Variants in DEPDC5 observed in about 807,000 individuals in gnomAD.
The protein encoded by DEPDC5 is DEP domain containing 5, GATOR1 subcomplex subunit.
Under a neutral mutation model 217.3 loss-of-function variants are expected in DEPDC5, and 73 were observed. The observed-to-expected ratio is 0.34, with a 90% CI of 0.28 to 0.41. The LOEUF is 0.41. Among genes scored for constraint, DEPDC5 ranks in the 10% least tolerant of loss-of-function variants. The pLI is 1.00. For missense variants in DEPDC5, 1,675 were observed against 2,070.1 expected, an observed-to-expected ratio of 0.81 and a Z score of 3.70; for synonymous variants, 733 against 756.7, an observed-to-expected ratio of 0.97 and a Z score of 0.51.
In DEPDC5 at chr22:31,809,637, C is replaced by T; in HGVS notation, c.1314C>T (p.Gly438=). The change falls in exon 19 of 43, where the codon GGC becomes GGT. Residue 438 remains glycine, a synonymous_variant. Transcript: ENST00000651528. ...KKPASEKAKN[G]RDTSLGSPKE... ...CCGCCTCTGAGAAAGCAAAAAATGGCCGTGATACATGTGAGTATTTTTTGA... is the reference window on the plus strand; with the variant it reads ...CCGCCTCTGAGAAAGCAAAAAATGGTCGTGATACATGTGAGTATTTTTTGA... The T allele has an allele frequency of 1.2e-6, 2 of 1,613,928 alleles. No individual in the cohort carries two copies. The highest frequency in any genetic ancestry group is 2.2e-5 in the South Asian group (2 of 91,074).
chr22:31,774,429 C>T (rs1342728754), intron 7 of DEPDC5, among the ~76,000 whole-genome samples: 1 of 151,868 alleles, frequency 6.6e-6, no homozygotes, highest in Non-Finnish European at 1.5e-5. Context: ...GAACTCCCGA[C>T]CTCAGGTAAT....
At chr22:31,878,183 C>T (rs955123883) in intron 37 of DEPDC5, among the ~76,000 whole-genome samples, 49 of 148,812 alleles carry the variant, frequency 3.3e-4, no homozygotes, top group South Asian at 8.5e-4. Context: ...GAGACTCCAT[C>T]TCAAAAAAAA....
intron 41 of DEPDC5, among the ~76,000 whole-genome samples, chr22:31,903,800 C>T (rs1299315491): frequency 6.6e-6 from 1 of 150,580 alleles, no homozygotes; most frequent in Non-Finnish European, 1.5e-5. Context: ...CAAATGTTTC[C>T]TCTCTGAATT....
chr22:31,843,907 T>A, intron 29 of DEPDC5, 95 bp downstream of exon 29: 21 of 1,236,236 alleles, frequency 1.7e-5, no homozygotes, highest in Non-Finnish European at 2.2e-5. Context: ...TCTCTCTCCC[T>A]TTTTCTTTTT....
chr22:31,791,036 C>T (rs1055667018), intron 10 of DEPDC5, among the ~76,000 whole-genome samples: 2 of 152,008 alleles, frequency 1.3e-5, no homozygotes, highest in African/African-American at 2.4e-5. Flanking sequence ...TTTGAGCCAC[C>T]ACGCCCAGCC....
At chr22:31,820,001 G>T (rs550766716) in intron 22 of DEPDC5, among the ~76,000 whole-genome samples, 2 of 152,028 alleles carry the variant, frequency 1.3e-5, no homozygotes, top group African/African-American at 4.8e-5. Flanking sequence ...TCTATATTCT[G>T]TTCTCAAGAA....
intron 5 of DEPDC5, 118 bp from the exon 6 acceptor site, chr22:31,766,467 G>A: frequency 1.1e-6 from 1 of 897,104 alleles, no homozygotes; most frequent in Non-Finnish European, 1.8e-6. Flanking sequence ...CTACTGAATG[G>A]TCTTCCAGTA....
intron 11 of DEPDC5, among the ~76,000 whole-genome samples, 163 bp downstream of exon 11, chr22:31,792,265 G>A (rs1286334809): frequency 6.6e-6 from 1 of 152,048 alleles, no homozygotes; most frequent in East Asian, 1.9e-4. Flanking sequence ...TCCGTTAGTG[G>A]ATGCAAGAGG....
intron 15 of DEPDC5, 29 bp from the exon 16 acceptor site, chr22:31,804,133 A>C: frequency 6.2e-7 from 1 of 1,612,284 alleles, no homozygotes; most frequent in Non-Finnish European, 8.5e-7. Flanking sequence ...TTCCCTCCCC[A>C]CAATTCTTTT....
intron 24 of DEPDC5, among the ~76,000 whole-genome samples, chr22:31,828,452 CAAAAAAA>C (rs35489633): frequency 2.7e-5 from 2 of 73,202 alleles, no homozygotes; most frequent in African/African-American, 5.6e-5. Flanking sequence ...AACTCCGTCT[CAAAAAAA>C]AAAAAAAAAA....
intron 34 of DEPDC5, among the ~76,000 whole-genome samples, chr22:31,872,681 C>G (rs916122132): frequency 6.6e-6 from 1 of 152,166 alleles, no homozygotes; most frequent in African/African-American, 2.4e-5. Context: ...AGGAGAGATG[C>G]TTACTAAGGG....
intron 10 of DEPDC5, 143 bp downstream of exon 10, chr22:31,785,018 C>A (rs2084838977): frequency 3.1e-6 from 2 of 645,912 alleles, no homozygotes; most frequent in Non-Finnish European, 5.2e-6. Context: ...CCCTAATAAT[C>A]TCAATTTATG....
chr22:31,797,560 C>T (rs771660736), intron 12 of DEPDC5, 40 bp from the exon 13 acceptor site: 6 of 1,539,568 alleles, frequency 3.9e-6, no homozygotes, highest in African/African-American at 1.4e-5. Context: ...CAAACCATAT[C>T]AGCTGCTCAA....
At chr22:31,888,126 C>G (rs2093356842) in intron 38 of DEPDC5, among the ~76,000 whole-genome samples, 1 of 152,058 alleles carries the variant, frequency 6.6e-6, no homozygotes, top group East Asian at 1.9e-4. Flanking sequence ...ATTGCAGTCA[C>G]CCTGGGCTGC....
intron 37 of DEPDC5, among the ~76,000 whole-genome samples, chr22:31,876,978 T>A (rs1237440067): frequency 6.6e-6 from 1 of 151,948 alleles, no homozygotes; most frequent in Non-Finnish European, 1.5e-5. Context: ...ACCCTGTCTC[T>A]ACTAAAAATA....
At chr22:31,828,227 G>A (rs886854307) in intron 24 of DEPDC5, among the ~76,000 whole-genome samples, 1 of 152,172 alleles carries the variant, frequency 6.6e-6, no homozygotes, top group Non-Finnish European at 1.5e-5. Flanking sequence ...AAGGCGGGCG[G>A]ATCACCTGAG....
At chr22:31,822,539 T>G (rs2089795728) in intron 23 of DEPDC5, among the ~76,000 whole-genome samples, 154 bp from the exon 24 acceptor site, 1 of 152,178 alleles carries the variant, frequency 6.6e-6, no homozygotes, top group Non-Finnish European at 1.5e-5. Context: ...GCCTGGTGGC[T>G]TAAGATAAGG....
At chr22:31,799,426 G>T (rs2079428) in intron 14 of DEPDC5, among the ~76,000 whole-genome samples, 312 of 151,000 alleles carry the variant, frequency 2.1e-3, no homozygotes, top group African/African-American at 7.5e-3. Context: ...GTGTGCCATG[G>T]TGGTTTGCTG....
chr22:31,761,716 C>T (rs1601607989), intron 4 of DEPDC5, among the ~76,000 whole-genome samples: 1 of 150,706 alleles, frequency 6.6e-6, no homozygotes, highest in South Asian at 2.1e-4. Flanking sequence ...GCCTGTAATC[C>T]TGGGAGTTTG....
Sources: allele counts gnomAD v4.1 joint callset (sites outside exome capture counted in the v4.1 genomes callset), GRCh38; gene constraint gnomAD v4.1.1; transcripts MANE v1.5; gene names NCBI Gene and HGNC (gene_info 2026-07-23, HGNC 2026-07-21).